The following ECHS1 variants were observed in gnomAD, a reference collection of about 807,000 sequenced individuals.
The protein encoded by ECHS1 is enoyl-CoA hydratase, mitochondrial.
A neutral mutation model predicts 33.5 loss-of-function variants in ECHS1; 19 were observed. The ratio of observed to expected loss-of-function variants is 0.57; its 90% CI spans 0.40 to 0.83. The LOEUF is 0.83. Among genes scored for constraint, ECHS1 ranks in the 40% least tolerant of loss-of-function variants. The pLI, the probability that ECHS1 is intolerant of heterozygous loss-of-function variation, is 0.00. For synonymous variants in ECHS1, 158 were observed against 146.6 expected, an observed-to-expected ratio of 1.08 and a Z score of -0.56; for missense variants, 365 against 381.3, an observed-to-expected ratio of 0.96 and a Z score of 0.36.
chr10:133,363,549 C>G (rs767693827), intron 7 of ECHS1, among the ~76,000 whole-genome samples: 1 of 152,144 alleles, frequency 6.6e-6, no homozygotes, highest in Non-Finnish European at 1.5e-5. Context: ...TGTGGGAGGC[C>G]GAGGCAGGCA....
chr10:133,369,695 A>C (rs1228104627), intron 3 of ECHS1, among the ~76,000 whole-genome samples: 1 of 152,162 alleles, frequency 6.6e-6, no homozygotes, highest in African/African-American at 2.4e-5. Flanking sequence ...TGCTGGGGAG[A>C]AGCTGTCAGG....
At position 133,364,789 on chromosome 10, in the gene ECHS1, G is replaced by A. The variant is rs1008673395; in HGVS notation, c.740-64C>T. ...ACATGCAGAACTTTTCCTGCACGGTGACAGGAAGCCCTCCTCACTGACCCA... is the reference window on the plus strand; with the variant it reads ...ACATGCAGAACTTTTCCTGCACGGTAACAGGAAGCCCTCCTCACTGACCCA... On this transcript the variant is annotated intron_variant, in intron 6 of 7. Transcript: ENST00000368547. The A allele has an allele frequency of 3.8e-6, 5 of 1,321,308 alleles. No individual in the cohort carries two copies. The African/African-American group carries it at 5.8e-5, about 15-fold the overall frequency. The allele number at this position is 1,321,308 out of a possible 1,614,324, so 81.8% of individuals were successfully genotyped here. A position where few individuals can be genotyped will look rare whatever the true frequency, so the allele number is the denominator to read the frequency against.
At chr10:133,366,244 C>T (rs1193427913) in intron 5 of ECHS1, 149 bp from the exon 6 acceptor site, 11 of 863,834 alleles carry the variant, frequency 1.3e-5, no homozygotes, top group African/African-American at 5.1e-5. Flanking sequence ...AAGTGCCGCA[C>T]GTGCCCCTTC....
chr10:133,373,142 G>T, intron 1 of ECHS1, 104 bp downstream of exon 1: 1 of 930,790 alleles, frequency 1.1e-6, no homozygotes, highest in East Asian at 3.4e-5. Flanking sequence ...TCAGGTGGGG[G>T]ATGCGGGGTC....
chr10:133,371,102 G>C (rs557599177), intron 1 of ECHS1, among the ~76,000 whole-genome samples: 3 of 152,236 alleles, frequency 2.0e-5, no homozygotes, highest in South Asian at 2.1e-4. Flanking sequence ...ACGGTGAAAC[G>C]CCGTCTCTAC....
intron 5 of ECHS1, 45 bp from the exon 6 acceptor site, chr10:133,366,140 T>C (rs781754939): frequency 6.3e-7 from 1 of 1,599,092 alleles, no homozygotes; most frequent in South Asian, 1.1e-5. Flanking sequence ...AAACAGCACT[T>C]GTCTATCCCT....
At chr10:133,370,170 C>T (rs992178656) in intron 2 of ECHS1, 139 bp from the exon 3 acceptor site, 4 of 1,210,152 alleles carry the variant, frequency 3.3e-6, no homozygotes, top group South Asian at 1.5e-5. Flanking sequence ...CACCAGGCCA[C>T]GTGGACAGCT....
intron 5 of ECHS1, 64 bp from the exon 6 acceptor site, chr10:133,366,159 G>C: frequency 6.4e-7 from 1 of 1,571,156 alleles, no homozygotes; most frequent in Non-Finnish European, 8.6e-7. Context: ...CTTCTCGAGT[G>C]AGTGGCCGCT....
rs1219611012 is a variant in ECHS1 at position 133,368,987 on chromosome 10, A to C, written c.450T>G (p.Asp150Glu). ...GGGCELAMMC[D>E]IIYAGEKAQF... ...GGGCCTTCTCACCGGCATAGATGATATCACACATCATGGCAAGCTCACAGC... is the reference window on the plus strand; with the variant it reads ...GGGCCTTCTCACCGGCATAGATGATCTCACACATCATGGCAAGCTCACAGC... The change falls in exon 4 of 8, where the codon GAT (aspartate) becomes GAG (glutamate). Residue 150 changes from aspartate (D) to glutamate (E), a missense_variant. Coordinates refer to ENST00000368547, the MANE Select transcript of ECHS1 (RefSeq NM_004092.4). 1.2e-6 allele frequency: 2 copies of C among 1,613,710 alleles called. No individual in the cohort carries two copies. The highest frequency in any genetic ancestry group is 2.2e-5 in the South Asian group (2 of 91,078).
chr10:133,373,182 G>C, intron 1 of ECHS1, 64 bp downstream of exon 1: 1 of 1,310,886 alleles, frequency 7.6e-7, no homozygotes, highest in Non-Finnish European at 9.9e-7. Flanking sequence ...TCTGGGATCT[G>C]GTCTGGGCGT....
rs1205105545 is a variant in ECHS1 at position 133,366,706 on chromosome 10, A to C, written c.619+183T>G. Among the ~76,000 whole-genome samples the C allele has an allele frequency of 2.0e-3, 290 of 142,878 alleles. 2 individuals carry two copies. Among genetic ancestry groups the C allele is most frequent in the African/African-American group, 8.3e-3 (276 of 33,446 alleles). The allele number at this position is 142,878 out of a possible 152,430, so 93.7% of individuals were successfully genotyped here. On this transcript the variant is annotated intron_variant, in intron 5 of 7. Coordinates refer to ENST00000368547, the MANE Select transcript of ECHS1 (RefSeq NM_004092.4). ...AGCTCTGGGTTTCTGTGGGGCTCCC[A>C]CGAGGGAGACAACTGGATGCAGCTC...
chr10:133,366,863 C>T, intron 5 of ECHS1, 26 bp downstream of exon 5: 1 of 1,583,846 alleles, frequency 6.3e-7, no homozygotes, highest in Non-Finnish European at 8.6e-7. Flanking sequence ...TTCCAGGTGG[C>T]TCTTGCGGGC....
At chr10:133,363,420 TTTAA>T (rs1174030085) in intron 7 of ECHS1, among the ~76,000 whole-genome samples, 3 of 152,054 alleles carry the variant, frequency 2.0e-5, no homozygotes, top group Non-Finnish European at 4.4e-5. Context: ...CCAAACCACT[TTTAA>T]TTTTTATTTT....
intron 3 of ECHS1, 31 bp from the exon 4 acceptor site, chr10:133,369,053 A>T (rs557787622): frequency 6.3e-7 from 1 of 1,599,006 alleles, no homozygotes; most frequent in South Asian, 1.1e-5. Flanking sequence ...GGAGAGTCTT[A>T]CCAGGGGAAC....
chr10:133,364,964 G>C (rs1320197051), intron 6 of ECHS1, among the ~76,000 whole-genome samples: 1 of 152,216 alleles, frequency 6.6e-6, no homozygotes, highest in Non-Finnish European at 1.5e-5. Context: ...ACGGCCCCAA[G>C]AAGGGAGAGG....
intron 7 of ECHS1, among the ~76,000 whole-genome samples, chr10:133,363,626 A>G (rs1213839291): frequency 6.6e-6 from 1 of 152,140 alleles, no homozygotes; most frequent in Non-Finnish European, 1.5e-5. Flanking sequence ...TCTACTAAAA[A>G]TACAAAAATT....
chr10:133,366,206 C>G, intron 5 of ECHS1, 111 bp from the exon 6 acceptor site: 1 of 1,360,390 alleles, frequency 7.4e-7, no homozygotes, highest in Non-Finnish European at 1.0e-6. Flanking sequence ...AGCCTCTGGA[C>G]GCTAAGCAAG....
At chr10:133,366,811 C>T in intron 5 of ECHS1, 78 bp downstream of exon 5, 1 of 1,188,306 alleles carries the variant, frequency 8.4e-7, no homozygotes, top group South Asian at 1.2e-5. Context: ...AGGGGGACAC[C>T]TGGATGCCGC....
In ECHS1 at chr10:133,362,706, C is replaced by CT; in HGVS notation, c.*161dup. On this transcript the variant is annotated 3_prime_UTR_variant, in exon 8 of 8. Transcript: ENST00000368547. ...ACCCTCACAGGCTGGGTGACGAAGG[C>CT]TGTCATGCCGTGAGAGGTCGGGCCA... 1 of 735,592 alleles carries CT rather than the reference C, an allele frequency of 1.4e-6. No individual in the cohort carries two copies. 45.6% of individuals were successfully genotyped at this position (735,592 alleles called of 1,614,324 possible).
Sources: gnomAD v4.1 joint callset for allele counts (sites outside exome capture counted in the v4.1 genomes callset) on GRCh38, gnomAD v4.1.1 for gene constraint, MANE v1.5 for transcripts, NCBI Gene and HGNC (gene_info 2026-07-23, HGNC 2026-07-21) for gene names.